Variants in SCHIP1 observed in about 807,000 individuals in gnomAD.
SCHIP1 encodes the protein schwannomin interacting protein 1.
A neutral mutation model predicts 29.7 loss-of-function variants in SCHIP1; 8 were observed. The observed-to-expected ratio is 0.27, with a 90% CI of 0.16 to 0.49. SCHIP1 has a LOEUF of 0.49. Ranked by LOEUF, SCHIP1 falls within the 20% of genes least tolerant of loss-of-function variation. SCHIP1 has a pLI of 0.99. For missense variants in SCHIP1, 193 were observed against 294.6 expected, an observed-to-expected ratio of 0.66 and a Z score of 2.52; for synonymous variants, 76 against 94.9, an observed-to-expected ratio of 0.80 and a Z score of 1.16.
the SCHIP1 span, among the ~76,000 whole-genome samples, chr3:159,766,735 T>C: frequency 6.6e-6 from 1 of 152,194 alleles, no homozygotes; most frequent in Non-Finnish European, 1.5e-5. Context: ...GTGCCAGGGA[T>C]GGTTCTGAGT....
chr3:159,581,352 G>C, the SCHIP1 span, among the ~76,000 whole-genome samples: 1 of 152,128 alleles, frequency 6.6e-6, no homozygotes. Flanking sequence ...ATGGGTGTGG[G>C]CACAGAAAAG....
chr3:159,392,177 C>A, the SCHIP1 span, among the ~76,000 whole-genome samples: 24 of 152,180 alleles, frequency 1.6e-4, no homozygotes, highest in Non-Finnish European at 3.2e-4. Context: ...TTCATTCACA[C>A]AAGCAGAGTC....
the SCHIP1 span, among the ~76,000 whole-genome samples, chr3:159,284,786 C>G: frequency 1.3e-5 from 2 of 152,138 alleles, no homozygotes; most frequent in African/African-American, 4.8e-5. Flanking sequence ...CTTGAGCCAC[C>G]ACGCCTGGCC....
At chr3:159,519,946 C>T in the SCHIP1 span, among the ~76,000 whole-genome samples, 5 of 151,518 alleles carry the variant, frequency 3.3e-5, no homozygotes, top group African/African-American at 4.9e-5. Context: ...CACGTATAGT[C>T]GTACAACTGG....
the SCHIP1 span, among the ~76,000 whole-genome samples, chr3:159,486,198 G>T: frequency 6.6e-6 from 1 of 152,130 alleles, no homozygotes; most frequent in African/African-American, 2.4e-5. Flanking sequence ...ATACAATACA[G>T]TATTGTTAAC....
At chr3:159,691,899 C>A in the SCHIP1 span, among the ~76,000 whole-genome samples, 2 of 150,644 alleles carry the variant, frequency 1.3e-5, no homozygotes, top group African/African-American at 4.9e-5. Flanking sequence ...GTTGAAAATT[C>A]TTTTCTTTAA....
At chr3:159,284,620 C>T in the SCHIP1 span, among the ~76,000 whole-genome samples, 5 of 152,080 alleles carry the variant, frequency 3.3e-5, no homozygotes, top group Admixed American at 3.3e-4. Context: ...TTCTGAGTAG[C>T]TGGGATTACA....
chr3:159,705,794 C>T, the SCHIP1 span, among the ~76,000 whole-genome samples: 1 of 152,138 alleles, frequency 6.6e-6, no homozygotes, highest in African/African-American at 2.4e-5. Context: ...GCAAGCTCCG[C>T]CTCCCGGGTT....
the SCHIP1 span, among the ~76,000 whole-genome samples, chr3:159,483,023 A>AT: frequency 4.6e-5 from 7 of 152,158 alleles, no homozygotes; most frequent in African/African-American, 1.7e-4. Context: ...AAACCAATAT[A>AT]TATCTTATCA....
At chr3:159,312,065 A>G in the SCHIP1 span, among the ~76,000 whole-genome samples, 3 of 152,214 alleles carry the variant, frequency 2.0e-5, no homozygotes, top group Non-Finnish European at 4.4e-5. Context: ...AGTATTGTAC[A>G]TTGTGTCTGG....
the SCHIP1 span, chr3:159,722,382 T>A: frequency 6.5e-6 from 1 of 153,350 alleles, no homozygotes; most frequent in Non-Finnish European, 1.5e-5. Context: ...CAATAGAAAG[T>A]CTTCTCTTTC....
the SCHIP1 span, among the ~76,000 whole-genome samples, chr3:159,789,339 T>G: frequency 6.6e-6 from 1 of 152,210 alleles, no homozygotes; most frequent in African/African-American, 2.4e-5. Flanking sequence ...CCGGCCCACT[T>G]TATGGAGAGT....
the SCHIP1 span, chr3:159,399,045 C>G: frequency 1.8e-6 from 1 of 554,552 alleles, no homozygotes; most frequent in Middle Eastern, 9.2e-4. Flanking sequence ...CCTCACTCCC[C>G]TCCAGCTACA....
the SCHIP1 span, among the ~76,000 whole-genome samples, chr3:159,345,577 T>TCTCA: frequency 5.3e-3 from 801 of 151,738 alleles, 12 homozygotes; most frequent in African/African-American, 0.018. Context: ...TCTCTCTCTC[T>TCTCA]CTCACTCACT....
chr3:159,369,479 A>C, the SCHIP1 span, among the ~76,000 whole-genome samples: 1 of 152,146 alleles, frequency 6.6e-6, no homozygotes, highest in Non-Finnish European at 1.5e-5. Flanking sequence ...CAACATTATC[A>C]GGTTGATCAT....
the SCHIP1 span, among the ~76,000 whole-genome samples, chr3:159,512,408 G>A: frequency 2.0e-5 from 3 of 152,142 alleles, no homozygotes; most frequent in Non-Finnish European, 4.4e-5. Flanking sequence ...TTCTTAATAT[G>A]AGTATTTCAT....
chr3:159,703,542 GA>G, the SCHIP1 span, among the ~76,000 whole-genome samples: 963 of 151,790 alleles, frequency 6.3e-3, 13 homozygotes, highest in African/African-American at 0.022. Flanking sequence ...ATATTTTAGG[GA>G]AAAAAAATAG....
chr3:159,328,611 A>G, the SCHIP1 span, among the ~76,000 whole-genome samples: 1 of 152,282 alleles, frequency 6.6e-6, no homozygotes, highest in South Asian at 2.1e-4. Context: ...CCAAGAAGGG[A>G]GATGCAGTGT....
chr3:159,770,148 C>T, the SCHIP1 span, among the ~76,000 whole-genome samples: 1 of 152,316 alleles, frequency 6.6e-6, no homozygotes, highest in South Asian at 2.1e-4. Flanking sequence ...TGAACTCTTG[C>T]TGAGTAGTGT....
Sources: allele counts gnomAD v4.1 joint callset (sites outside exome capture counted in the v4.1 genomes callset), GRCh38; gene constraint gnomAD v4.1.1; transcripts MANE v1.5; gene names NCBI Gene and HGNC (gene_info 2026-07-23, HGNC 2026-07-21).